The following MGAT4C variants were observed in gnomAD, a reference collection of about 807,000 sequenced individuals.
The protein encoded by MGAT4C is MGAT4 family member C, also known as alpha-1,3-mannosyl-glycoprotein 4-beta-N-acetylglucosaminyltransferase C.
MGAT4C carries 19 observed loss-of-function variants against 40.1 expected under a neutral mutation model. The observed-to-expected ratio is 0.47, with a 90% CI of 0.33 to 0.70. MGAT4C has a LOEUF of 0.70. Ranked by LOEUF, MGAT4C falls within the 30% of genes least tolerant of loss-of-function variation. The probability of loss-of-function intolerance (pLI) is 0.02; values close to 1 mark genes in which losing one functional copy is unlikely to be tolerated. For synonymous variants in MGAT4C, 181 were observed against 187.1 expected (o/e 0.97, Z 0.27); for missense variants, 491 against 563.2 (o/e 0.87, Z 1.30).
At chr12:86,358,969 A>G (rs1388176123) in intron 3 of MGAT4C, among the ~76,000 whole-genome samples, 1 of 152,236 alleles carries the variant, frequency 6.6e-6, no homozygotes, top group Non-Finnish European at 1.5e-5. Flanking sequence ...GCTCTGCACC[A>G]GGTAGACCTA....
At chr12:86,657,743 G>C (rs1963885590) in intron 2 of MGAT4C, among the ~76,000 whole-genome samples, 1 of 151,746 alleles carries the variant, frequency 6.6e-6, no homozygotes, top group African/African-American at 2.4e-5. Flanking sequence ...TTAAAAATGT[G>C]GCTGAAAAGC....
intron 2 of MGAT4C, among the ~76,000 whole-genome samples, chr12:85,993,305 G>A (rs2136736649): frequency 6.6e-6 from 1 of 152,316 alleles, no homozygotes; most frequent in Non-Finnish European, 1.5e-5. Flanking sequence ...GGCCAGGGAT[G>A]GGGAGGAGTT....
chr12:86,383,436 T>C (rs932745841), intron 3 of MGAT4C, among the ~76,000 whole-genome samples: 2 of 149,976 alleles, frequency 1.3e-5, no homozygotes, highest in African/African-American at 4.9e-5. Context: ...CCTGTAGTCC[T>C]AGCTACTTGG....
chr12:86,829,098 G>A (rs575879098), intron 1 of MGAT4C, among the ~76,000 whole-genome samples: 13 of 151,510 alleles, frequency 8.6e-5, no homozygotes, highest in South Asian at 8.3e-4. Context: ...TTGCCTCACC[G>A]AAGAGTAATT....
chr12:86,432,891 C>T (rs1339857518), intron 3 of MGAT4C, among the ~76,000 whole-genome samples: 1 of 151,184 alleles, frequency 6.6e-6, no homozygotes, highest in Non-Finnish European at 1.5e-5. Context: ...TCCTGTTCAA[C>T]TTTTTTTTTC....
At chr12:86,231,806 A>G (rs1951334457) in intron 1 of MGAT4C, among the ~76,000 whole-genome samples, 1 of 152,300 alleles carries the variant, frequency 6.6e-6, no homozygotes, top group East Asian at 1.9e-4. Context: ...ACCAAGTAAC[A>G]GCCTTCTAAC....
chr12:86,603,475 TAG>T (rs1961878487), intron 2 of MGAT4C, among the ~76,000 whole-genome samples: 2 of 118,464 alleles, frequency 1.7e-5, no homozygotes, highest in African/African-American at 6.7e-5. Flanking sequence ...ATACTATATA[TAG>T]TCTATAGACT....
rs933077033 is a variant in MGAT4C, at chr12:86,107,040, T to C, written c.-56-57317A>G. On this transcript the variant is annotated intron_variant, in intron 1 of 4. Transcript: ENST00000611864. Reference sequence around the variant, plus strand: ...CTACTAAGCCCTCAAGATTCACTTTTGTGGATCTGAAACATAAGTGTTTTT... The same window carrying C: ...CTACTAAGCCCTCAAGATTCACTTTCGTGGATCTGAAACATAAGTGTTTTT... 4.6e-5 allele frequency among the ~76,000 whole-genome samples: 7 copies of C among 152,290 alleles called. No individual in the cohort carries two copies. In the South Asian group the frequency reaches 6.2e-4, roughly 14 times the overall value.
At chr12:86,031,768 T>C (rs531107434) in intron 2 of MGAT4C, among the ~76,000 whole-genome samples, 8 of 152,044 alleles carry the variant, frequency 5.3e-5, no homozygotes, top group African/African-American at 1.7e-4. Flanking sequence ...TATTTACTTG[T>C]TAACTTTTAT....
chr12:86,101,840 C>T (rs1875130082), intron 1 of MGAT4C, among the ~76,000 whole-genome samples: 1 of 151,902 alleles, frequency 6.6e-6, no homozygotes, highest in Non-Finnish European at 1.5e-5. Context: ...AAAGGCTATG[C>T]ATTATGAATT....
chr12:86,356,499 G>T (rs1400904000), intron 3 of MGAT4C, among the ~76,000 whole-genome samples: 2 of 152,178 alleles, frequency 1.3e-5, no homozygotes, highest in Non-Finnish European at 1.5e-5. Flanking sequence ...AGCGCACGGA[G>T]CATGAGACAA....
intron 2 of MGAT4C, among the ~76,000 whole-genome samples, chr12:86,583,945 A>C (rs1397166403): frequency 6.6e-6 from 1 of 151,062 alleles, no homozygotes; most frequent in Non-Finnish European, 1.5e-5. Context: ...TTATACTACT[A>C]ATAAAATAAG....
intron 1 of MGAT4C, among the ~76,000 whole-genome samples, chr12:86,181,706 T>C (rs948195908): frequency 3.9e-5 from 6 of 152,102 alleles, no homozygotes; most frequent in South Asian, 4.1e-4. Context: ...AAGAAATCGA[T>C]TGTGGAATAA....
intron 1 of MGAT4C, among the ~76,000 whole-genome samples, chr12:86,103,985 C>A (rs1465813394): frequency 6.6e-6 from 1 of 151,964 alleles, no homozygotes; most frequent in East Asian, 1.9e-4. Context: ...ATTGGAAGGT[C>A]TTTTAAAAGA....
At chr12:86,610,167 T>C (rs1268831898) in intron 2 of MGAT4C, among the ~76,000 whole-genome samples, 3 of 152,150 alleles carry the variant, frequency 2.0e-5, no homozygotes, top group African/African-American at 7.2e-5. Flanking sequence ...CAATTTGTGA[T>C]TGATTTAAAA....
intron 2 of MGAT4C, among the ~76,000 whole-genome samples, chr12:86,005,553 C>T (rs1475365857): frequency 1.3e-5 from 2 of 152,046 alleles, no homozygotes; most frequent in Non-Finnish European, 2.9e-5. Context: ...GGTTCTTAGC[C>T]TTACAGATGA....
At chr12:86,487,078 A>G (rs1157502902) in intron 2 of MGAT4C, among the ~76,000 whole-genome samples, 1 of 152,212 alleles carries the variant, frequency 6.6e-6, no homozygotes, top group Non-Finnish European at 1.5e-5. Flanking sequence ...TGACAGAAGA[A>G]TCAGAATAAT....
chr12:86,716,363 G>A (rs1421013740), intron 2 of MGAT4C, among the ~76,000 whole-genome samples: 1 of 151,968 alleles, frequency 6.6e-6, no homozygotes, highest in African/African-American at 2.4e-5. Flanking sequence ...TCATATGTTG[G>A]CCCTACCTAA....
chr12:85,961,993 G>A lies in MGAT4C; in HGVS notation c.*17296C>T, dbSNP rs756964295. On this transcript the variant is annotated 3_prime_UTR_variant, in exon 5 of 5. Coordinates refer to ENST00000611864, the MANE Select transcript of MGAT4C (RefSeq NM_001351288.2). ...ATTCATTTCTTTTGTGTATCTGAAT[G>A]GAACATGTGGTAAACACAACAGTAG... 4.6e-5 allele frequency: 7 copies of A among 151,790 alleles called. No individual in the cohort carries two copies. Among genetic ancestry groups the A allele is most frequent in the Non-Finnish European group, 8.9e-5 (6 of 67,782 alleles). 9.4% of individuals were successfully genotyped at this position (151,790 alleles called of 1,614,324 possible). A position where few individuals can be genotyped will look rare whatever the true frequency, so the allele number is the denominator to read the frequency against.
Sources: gnomAD v4.1 joint callset for allele counts (sites outside exome capture counted in the v4.1 genomes callset) on GRCh38, gnomAD v4.1.1 for gene constraint, MANE v1.5 for transcripts, NCBI Gene and HGNC (gene_info 2026-07-23, HGNC 2026-07-21) for gene names.